Variants in TACC2 observed in about 807,000 individuals in gnomAD.
TACC2 encodes the protein transforming acidic coiled-coil-containing protein 2.
A neutral mutation model predicts 227.3 loss-of-function variants in TACC2; 137 were observed. The ratio of observed to expected loss-of-function variants is 0.60; its 90% confidence interval spans 0.52 to 0.69. The LOEUF (loss-of-function observed/expected upper bound fraction) is 0.69, where lower values mean the gene tolerates loss of function less well. Among genes scored for constraint, TACC2 ranks in the 30% least tolerant of loss-of-function variants. TACC2 has a pLI of 0.00. For synonymous variants in TACC2, 1,523 were observed against 1,487.5 expected (o/e 1.02, Z -0.55); for missense variants, 3,470 against 3,694.4 (o/e 0.94, Z 1.57).
At chr10:122,076,582 C>T (rs1048178242) in intron 3 of TACC2, among the ~76,000 whole-genome samples, 4 of 152,118 alleles carry the variant, frequency 2.6e-5, no homozygotes, top group African/African-American at 9.7e-5. Context: ...AAATCATTCA[C>T]AGGCTTTAGT....
At chr10:122,157,791 C>T (rs961055651) in intron 7 of TACC2, among the ~76,000 whole-genome samples, 2 of 151,954 alleles carry the variant, frequency 1.3e-5, no homozygotes, top group African/African-American at 2.4e-5. Context: ...GCGTCTCCTA[C>T]CATTTCCGTC....
intron 9 of TACC2, among the ~76,000 whole-genome samples, chr10:122,211,962 C>G (rs779762989): frequency 3.3e-5 from 5 of 152,202 alleles, no homozygotes; most frequent in Non-Finnish European, 7.3e-5. Context: ...AATCAATGGG[C>G]TGGAGCTTTA....
intron 2 of TACC2, among the ~76,000 whole-genome samples, chr10:122,026,313 C>CAAAAAAAA (rs71022883): frequency 2.8e-5 from 2 of 71,190 alleles, no homozygotes; most frequent in Admixed American, 1.6e-4. Context: ...GACTCTGTCT[C>CAAAAAAAA]AAAAAAAAAA....
chr10:122,215,355 T>C (rs1357492878), intron 9 of TACC2, 36 bp from the exon 10 acceptor site: 3 of 1,598,818 alleles, frequency 1.9e-6, no homozygotes, highest in African/African-American at 2.7e-5. Context: ...TCCGTCCCTC[T>C]GCTTGTTGTG....
At chr10:122,125,776 CTTTTTTTT>C (rs67882679) in intron 5 of TACC2, among the ~76,000 whole-genome samples, 1 of 117,220 alleles carries the variant, frequency 8.5e-6, no homozygotes, top group Non-Finnish European at 1.7e-5. Flanking sequence ...AATATCCTTC[CTTTTTTTT>C]TTTTTTTTTT....
chr10:122,070,653 T>A (rs2077933085), intron 3 of TACC2, among the ~76,000 whole-genome samples: 1 of 150,032 alleles, frequency 6.7e-6, no homozygotes, highest in Non-Finnish European at 1.5e-5. Context: ...CTTGGGAGGC[T>A]GAGGCAGGAG....
intron 8 of TACC2, among the ~76,000 whole-genome samples, chr10:122,203,238 G>C (rs1202091645): frequency 6.7e-6 from 1 of 148,374 alleles, no homozygotes; most frequent in South Asian, 2.1e-4. Flanking sequence ...AGGGGCGGCC[G>C]GGCAGAGGCA....
intron 6 of TACC2, among the ~76,000 whole-genome samples, chr10:122,136,681 C>A (rs147638269): frequency 0.026 from 3,941 of 151,800 alleles, 171 homozygotes; most frequent in African/African-American, 0.089. Context: ...AGCCTCCTGA[C>A]TAGCTGGGAT....
rs139854671 is a variant in TACC2, at chr10:122,101,308, A to G, written c.5573+12717A>G. Among the ~76,000 whole-genome samples the G allele has an allele frequency of 9.8e-4, 149 of 152,272 alleles. 1 individual carries two copies. In the East Asian group the frequency reaches 0.026, roughly 26 times the overall value. The stretch of plus-strand genomic sequence containing the variant: ...CTTGACCAGAGCTGGCACATGTATC[A>G]CCCAAGGAACATCTATCACTATTGG... On this transcript the variant is annotated intron_variant, in intron 5 of 22. Coordinates refer to ENST00000369005, the MANE Select transcript of TACC2 (RefSeq NM_206862.4).
Position 122,132,709 on chromosome 10 carries a change from G to C in TACC2, c.5674G>C (p.Val1892Leu). Reference protein sequence around the residue: ...SSYHGDVVGQVSTDLIAQSIS... With the variant: ...SSYHGDVVGQLSTDLIAQSIS... ...CTACCACGGTGATGTTGTTGGCCAGGTCTCTACGGATCTGATAGCCCAGAG... is the reference window on the plus strand; with the variant it reads ...CTACCACGGTGATGTTGTTGGCCAGCTCTCTACGGATCTGATAGCCCAGAG... Residue 1892 changes from valine (V) to leucine (L), a missense_variant, in exon 6 of 23, where the codon GTC becomes CTC. Transcript: ENST00000369005. The C allele has an allele frequency of 6.2e-7, 1 of 1,614,190 alleles. No individual in the cohort carries two copies. Among genetic ancestry groups the C allele is most frequent in the African/African-American group, 1.3e-5 (1 of 75,036 alleles).
chr10:122,047,526 C>T (rs954302929), intron 2 of TACC2, among the ~76,000 whole-genome samples: 2 of 152,150 alleles, frequency 1.3e-5, no homozygotes, highest in African/African-American at 4.8e-5. Flanking sequence ...AGCCCCCTCT[C>T]GTGTGAGGAA....
Position 122,090,525 on chromosome 10 carries a change from T to C in TACC2, c.5573+1934T>C, listed in dbSNP as rs376570279. The stretch of plus-strand genomic sequence containing the variant: ...TTGCGCCACTGCACTCCAGCCTGGG[T>C]GACAGAGTGAGACTCTATCTCAAAA... On this transcript the variant is annotated intron_variant, in intron 5 of 22. Transcript: ENST00000369005. 5.9e-4 allele frequency among the ~76,000 whole-genome samples: 72 copies of C among 121,412 alleles called. 1 individual carries two copies. In the South Asian group the frequency reaches 0.012, roughly 21 times the overall value. 79.7% of individuals were successfully genotyped at this position (121,412 alleles called of 152,430 possible). A position where few individuals can be genotyped will look rare whatever the true frequency, so the allele number is the denominator to read the frequency against.
At chr10:122,058,413 A>G (rs771350417) in intron 3 of TACC2, among the ~76,000 whole-genome samples, 3 of 151,706 alleles carry the variant, frequency 2.0e-5, no homozygotes, top group Non-Finnish European at 4.4e-5. Context: ...CCTTTATTAT[A>G]TATTTATTTA....
At chr10:122,134,705 C>T (rs556053081) in intron 6 of TACC2, among the ~76,000 whole-genome samples, 69 of 152,318 alleles carry the variant, frequency 4.5e-4, no homozygotes, top group African/African-American at 1.5e-3. Flanking sequence ...CAATGGGGCA[C>T]GCCCTCCCTT....
rs761240311 is a variant in TACC2, at chr10:122,063,856, A to ACACC, written c.146+13307_146+13308insACCC. Reference sequence around the variant, plus strand: ...TACACACACACACACACACACACACACCCTTAAAGAAATGTGTGTGTGTGG... The same window carrying ACACC: ...TACACACACACACACACACACACACACACCCCCTTAAAGAAATGTGTGTGTGTGG... On this transcript the variant is annotated intron_variant, in intron 3 of 22. Coordinates refer to ENST00000369005, the MANE Select transcript of TACC2 (RefSeq NM_206862.4). Among the ~76,000 whole-genome samples, 54 of 150,568 alleles carry ACACC rather than the reference A, an allele frequency of 3.6e-4. 1 individual carries two copies. Among genetic ancestry groups the ACACC allele is most frequent in the Admixed American group, 1.9e-3 (28 of 15,102 alleles).
At chr10:122,107,874 A>AT (rs1341632232) in intron 5 of TACC2, among the ~76,000 whole-genome samples, 94 of 85,620 alleles carry the variant, frequency 1.1e-3, no homozygotes, top group South Asian at 3.6e-3. Flanking sequence ...ATATATATAT[A>AT]TATATATTTT....
At chr10:122,077,129 A>G (rs1324983458) in intron 3 of TACC2, among the ~76,000 whole-genome samples, 1 of 151,770 alleles carries the variant, frequency 6.6e-6, no homozygotes, top group Non-Finnish European at 1.5e-5. Flanking sequence ...AAAAAAAAAA[A>G]AAAAAGAATG....
At chr10:122,137,612 G>A (rs1043140690) in intron 6 of TACC2, among the ~76,000 whole-genome samples, 8 of 152,192 alleles carry the variant, frequency 5.3e-5, no homozygotes, top group Non-Finnish European at 4.4e-5. Flanking sequence ...GGTCCCCTGA[G>A]AACTTCAGGA....
At chr10:122,218,243 G>A (rs911459610) in intron 11 of TACC2, among the ~76,000 whole-genome samples, 17 of 152,084 alleles carry the variant, frequency 1.1e-4, no homozygotes, top group Admixed American at 7.2e-4. Flanking sequence ...GCGCCTGACC[G>A]ATTTCTAACA....
Sources: allele counts gnomAD v4.1 joint callset (sites outside exome capture counted in the v4.1 genomes callset), GRCh38; gene constraint gnomAD v4.1.1; transcripts MANE v1.5; gene names NCBI Gene and HGNC (gene_info 2026-07-23, HGNC 2026-07-21).